The following SKAP1 variants were observed in gnomAD, a reference collection of about 807,000 sequenced individuals.
SKAP1 encodes the protein src kinase associated phosphoprotein 1.
In SKAP1, 44 loss-of-function variants were observed where a neutral mutation model predicts 58.5. The ratio of observed to expected loss-of-function variants is 0.75; its 90% CI spans 0.59 to 0.97. SKAP1 has a LOEUF of 0.97. Ranked by LOEUF, SKAP1 falls within the 50% of genes least tolerant of loss-of-function variation. SKAP1 has a pLI of 0.00. For synonymous variants in SKAP1, 127 were observed against 149.7 expected (o/e 0.85, Z 1.11); for missense variants, 390 against 435.2 (o/e 0.90, Z 0.92).
intron 4 of SKAP1, among the ~76,000 whole-genome samples, chr17:48,293,169 C>T (rs2065920243): frequency 6.6e-6 from 1 of 151,978 alleles, no homozygotes; most frequent in African/African-American, 2.4e-5. Flanking sequence ...AATATGTTTT[C>T]CAAGAGCTGC....
chr17:48,416,219 T>TG (rs397770301), intron 1 of SKAP1, among the ~76,000 whole-genome samples: 1 of 152,026 alleles, frequency 6.6e-6, no homozygotes, highest in Admixed American at 6.6e-5. Flanking sequence ...TATTTTTTTT[T>TG]CTAGTTATAA....
intron 4 of SKAP1, among the ~76,000 whole-genome samples, chr17:48,202,663 T>C (rs2064743745): frequency 6.6e-6 from 1 of 152,142 alleles, no homozygotes; most frequent in Non-Finnish European, 1.5e-5. Context: ...GTGATGTTTC[T>C]AAACCCAAAA....
At chr17:48,310,773 GA>G (rs1436334696) in intron 4 of SKAP1, among the ~76,000 whole-genome samples, 5 of 146,360 alleles carry the variant, frequency 3.4e-5, no homozygotes, top group African/African-American at 1.2e-4. Flanking sequence ...AACAATTAAA[GA>G]TGCTTAAAAA....
intron 4 of SKAP1, among the ~76,000 whole-genome samples, chr17:48,191,264 A>G (rs1598411518): frequency 6.6e-6 from 1 of 152,232 alleles, no homozygotes. Flanking sequence ...ATGAAAAAAA[A>G]AGCCTCTTTT....
chr17:48,282,194 A>G (rs2065775469), intron 4 of SKAP1, among the ~76,000 whole-genome samples: 1 of 152,218 alleles, frequency 6.6e-6, no homozygotes, highest in African/African-American at 2.4e-5. Flanking sequence ...AATTATAAAA[A>G]GTTTAAACAT....
chr17:48,208,715 A>G (rs2064837170), intron 4 of SKAP1, among the ~76,000 whole-genome samples: 1 of 152,256 alleles, frequency 6.6e-6, no homozygotes, highest in African/African-American at 2.4e-5. Flanking sequence ...AAGGTGTGAT[A>G]ACACTCTTAT....
chr17:48,205,025 TTCTTTCTTTCTTTCTC>T (rs1567819997), intron 4 of SKAP1, among the ~76,000 whole-genome samples: 147 of 34,612 alleles, frequency 4.2e-3, no homozygotes, highest in African/African-American at 0.013. Flanking sequence ...TTTTCTTTCT[TTCTTTCTTTCTTTCTC>T]TCTCTCTCTT....
chr17:48,221,292 T>C (rs1408231779), intron 4 of SKAP1, among the ~76,000 whole-genome samples: 1 of 152,034 alleles, frequency 6.6e-6, no homozygotes, highest in East Asian at 1.9e-4. Flanking sequence ...AAATAAATCA[T>C]TGAGTTCTAC....
intron 4 of SKAP1, among the ~76,000 whole-genome samples, chr17:48,326,463 T>C (rs2066437919): frequency 6.6e-6 from 1 of 152,196 alleles, no homozygotes; most frequent in Admixed American, 6.5e-5. Flanking sequence ...TGATTGGAAA[T>C]AGCATGTACA....
At chr17:48,135,650 TA>T (rs1475155032) in intron 12 of SKAP1, among the ~76,000 whole-genome samples, 1 of 151,908 alleles carries the variant, frequency 6.6e-6, no homozygotes, top group African/African-American at 2.4e-5. Flanking sequence ...GCTAATTTTT[TA>T]AAAAAAATTT....
intron 4 of SKAP1, among the ~76,000 whole-genome samples, chr17:48,210,355 G>A (rs1009123373): frequency 2.6e-5 from 4 of 152,176 alleles, no homozygotes; most frequent in Admixed American, 2.6e-4. Context: ...CTGGAGTGGG[G>A]CTGAGGCATG....
chr17:48,170,745 T>C (rs1598391864), intron 9 of SKAP1, 86 bp from the exon 10 acceptor site: 1 of 1,221,672 alleles, frequency 8.2e-7, no homozygotes, highest in Non-Finnish European at 1.2e-6. Context: ...AGTCTTGCTC[T>C]GTTGTCTAGG....
At chr17:48,241,681 A>C (rs2065245586) in intron 4 of SKAP1, among the ~76,000 whole-genome samples, 1 of 152,228 alleles carries the variant, frequency 6.6e-6, no homozygotes, top group South Asian at 2.1e-4. Flanking sequence ...TTCACCAGCC[A>C]AAGAAACATT....
At chr17:48,398,050 T>C (rs1324761454) in intron 1 of SKAP1, among the ~76,000 whole-genome samples, 1 of 151,868 alleles carries the variant, frequency 6.6e-6, no homozygotes. Context: ...AACTGTATCA[T>C]ATATATCAGG....
chr17:48,311,103 C>G (rs1327914647), intron 4 of SKAP1, among the ~76,000 whole-genome samples: 1 of 152,114 alleles, frequency 6.6e-6, no homozygotes, highest in Non-Finnish European at 1.5e-5. Flanking sequence ...GGTGAAACTC[C>G]GTTCACATTT....
chr17:48,261,922 C>T (rs550575359), intron 4 of SKAP1, among the ~76,000 whole-genome samples: 10 of 152,296 alleles, frequency 6.6e-5, no homozygotes, highest in African/African-American at 1.4e-4. Context: ...CTTGGAAAGG[C>T]GTTGGATCAA....
rs1186730823 is a variant in SKAP1 at position 48,223,063 on chromosome 17, C to CAG, written c.281-33564_281-33563insCT. ...TGGGCGACAGGGTGAGACTCCGTCT[C>CAG]AAAAAAAAAAAAAAAAAAAAAAAGC... On this transcript the variant is annotated intron_variant, in intron 4 of 12. Coordinates refer to ENST00000336915, the MANE Select transcript of SKAP1 (RefSeq NM_003726.4). Among the ~76,000 whole-genome samples, 22 of 70,114 alleles carry CAG rather than the reference C, an allele frequency of 3.1e-4. 1 individual carries two copies. In the Admixed American group the frequency reaches 4.2e-3, roughly 13 times the overall value. 46.0% of individuals were successfully genotyped at this position (70,114 alleles called of 152,430 possible).
chr17:48,427,184 T>G (rs2067863901), intron 1 of SKAP1, among the ~76,000 whole-genome samples: 1 of 152,208 alleles, frequency 6.6e-6, no homozygotes, highest in African/African-American at 2.4e-5. Context: ...ACACAAATAT[T>G]TATAACATAT....
intron 1 of SKAP1, among the ~76,000 whole-genome samples, chr17:48,419,323 AC>A (rs11326662): frequency 0.24 from 36,121 of 151,146 alleles, 4,498 homozygotes; most frequent in African/African-American, 0.3. Flanking sequence ...TTGCTCTGCC[AC>A]CCCAGGCTGG....
Sources: allele counts gnomAD v4.1 joint callset (sites outside exome capture counted in the v4.1 genomes callset), GRCh38; gene constraint gnomAD v4.1.1; transcripts MANE v1.5; gene names NCBI Gene and HGNC (gene_info 2026-07-23, HGNC 2026-07-21).